The following ANXA13 variants were observed in gnomAD, a reference collection of about 807,000 sequenced individuals.
ANXA13 encodes the protein annexin XIII.
A neutral mutation model predicts 46.6 loss-of-function variants in ANXA13; 36 were observed. That is an observed-to-expected ratio of 0.77 (90% CI 0.59 to 1.02). The LOEUF is 1.02. Among genes scored for constraint, ANXA13 ranks in the 50% least tolerant of loss-of-function variants. The pLI is 0.00. For missense variants in ANXA13, 417 were observed against 396.5 expected (o/e 1.05, Z -0.44); for synonymous variants, 163 against 152.9 (o/e 1.07, Z -0.49).
intron 8 of ANXA13, among the ~76,000 whole-genome samples, chr8:123,692,192 G>C (rs1206239159): frequency 6.6e-6 from 1 of 152,196 alleles, no homozygotes; most frequent in Non-Finnish European, 1.5e-5. Flanking sequence ...GCTCAGGCCG[G>C]GGAGTCTTGG....
At chr8:123,728,123 C>T (rs1480792462) in intron 1 of ANXA13, 3 of 152,110 alleles carry the variant, frequency 2.0e-5, no homozygotes, top group African/African-American at 7.2e-5. Flanking sequence ...TCTTAGGGGC[C>T]CTTGAGTGCT....
chr8:123,735,862 G>A, intron 1 of ANXA13: 1 of 1,610,256 alleles, frequency 6.2e-7, no homozygotes, highest in South Asian at 1.1e-5. Flanking sequence ...CCTTCTGAGA[G>A]GGTGTACGAC....
intron 9 of ANXA13, among the ~76,000 whole-genome samples, chr8:123,687,554 G>A (rs188108603): frequency 3.3e-5 from 5 of 152,064 alleles, no homozygotes; most frequent in East Asian, 1.9e-4. Context: ...TTAGGCCTCC[G>A]GATATCACAG....
chr8:123,689,065 G>A (rs988411594), intron 8 of ANXA13, 119 bp from the exon 9 acceptor site: 1 of 885,302 alleles, frequency 1.1e-6, no homozygotes, highest in Non-Finnish European at 1.8e-6. Context: ...TGGCTTCAGG[G>A]AACTGCTATC....
At chr8:123,732,037 G>A (rs951951889) in intron 1 of ANXA13, among the ~76,000 whole-genome samples, 3 of 152,260 alleles carry the variant, frequency 2.0e-5, no homozygotes, top group African/African-American at 4.8e-5. Context: ...AAGAGATGAC[G>A]AGGTGATGAT....
At chr8:123,734,375 C>T (rs1814201993) in intron 1 of ANXA13, among the ~76,000 whole-genome samples, 1 of 152,142 alleles carries the variant, frequency 6.6e-6, no homozygotes, top group Non-Finnish European at 1.5e-5. Context: ...TGTGTACACT[C>T]TACCTGCAAA....
In ANXA13 at chr8:123,680,958, G is replaced by C; in HGVS notation, c.*282C>G. On this transcript the variant is annotated 3_prime_UTR_variant, in exon 11 of 11. Coordinates refer to ENST00000419625, the MANE Select transcript of ANXA13 (RefSeq NM_004306.4). ...ATGCATAGTTTTTTCATCAACTGCT[G>C]ATTTCATTAGTGTTTAGAAAACATC... 3.0e-6 allele frequency: 1 copy of C among 332,980 alleles called. No homozygotes were observed. Among genetic ancestry groups the C allele is most frequent in the Non-Finnish European group, 5.5e-6 (1 of 182,304 alleles). 20.6% of individuals were successfully genotyped at this position (332,980 alleles called of 1,614,324 possible).
chr8:123,710,461 A>C (rs1462243485), intron 2 of ANXA13, among the ~76,000 whole-genome samples: 1 of 152,238 alleles, frequency 6.6e-6, no homozygotes. Flanking sequence ...TAAAACTCTG[A>C]ACTGCATGCT....
intron 1 of ANXA13, chr8:123,735,896 TA>T (rs759287150): frequency 1.3e-5 from 21 of 1,574,842 alleles, no homozygotes; most frequent in Non-Finnish European, 1.6e-5. Context: ...TAAAAAAAAA[TA>T]CATAAAAATG....
intron 1 of ANXA13, among the ~76,000 whole-genome samples, chr8:123,713,842 G>A (rs1454386655): frequency 2.0e-5 from 3 of 152,046 alleles, no homozygotes; most frequent in Admixed American, 1.3e-4. Flanking sequence ...ATAGGTGCAC[G>A]CCACCATGCC....
At chr8:123,725,048 A>G (rs1813957247) in intron 1 of ANXA13, among the ~76,000 whole-genome samples, 2 of 152,298 alleles carry the variant, frequency 1.3e-5, no homozygotes, top group East Asian at 1.9e-4. Context: ...TAGTCAGAGG[A>G]TAGGACCTTA....
intron 3 of ANXA13, among the ~76,000 whole-genome samples, chr8:123,702,388 C>A (rs1326525788): frequency 2.0e-5 from 3 of 152,018 alleles, no homozygotes; most frequent in African/African-American, 7.3e-5. Flanking sequence ...GAAAAAAAGA[C>A]TAGGGTCTTC....
At chr8:123,709,172 T>C (rs1184378177) in intron 2 of ANXA13, among the ~76,000 whole-genome samples, 1 of 152,198 alleles carries the variant, frequency 6.6e-6, no homozygotes, top group African/African-American at 2.4e-5. Flanking sequence ...CCCAGCACAT[T>C]GTTCCAAAGG....
At chr8:123,697,205 A>T (rs1586318737) in intron 4 of ANXA13, among the ~76,000 whole-genome samples, 1 of 152,206 alleles carries the variant, frequency 6.6e-6, no homozygotes, top group South Asian at 2.1e-4. Context: ...GAACCACTGT[A>T]CCTGGCCTGA....
At chr8:123,726,005 T>G (rs752296330) in intron 1 of ANXA13, among the ~76,000 whole-genome samples, 1 of 152,230 alleles carries the variant, frequency 6.6e-6, no homozygotes, top group Non-Finnish European at 1.5e-5. Context: ...ACATGATGAC[T>G]AAGTGTTTGG....
intron 3 of ANXA13, among the ~76,000 whole-genome samples, chr8:123,702,254 GA>G (rs200381475): frequency 1.1e-5 from 1 of 95,050 alleles, no homozygotes; most frequent in Non-Finnish European, 2.2e-5. Context: ...ATAAAATGGA[GA>G]GTTTTTTTGG....
intron 1 of ANXA13, among the ~76,000 whole-genome samples, chr8:123,734,273 C>G (rs561242035): frequency 6.6e-6 from 1 of 152,254 alleles, no homozygotes; most frequent in African/African-American, 2.4e-5. Context: ...CTGTATTTTT[C>G]CCTAGATAGT....
At chr8:123,723,917 G>A (rs1813934004) in intron 1 of ANXA13, among the ~76,000 whole-genome samples, 1 of 152,162 alleles carries the variant, frequency 6.6e-6, no homozygotes. Flanking sequence ...TCCATGGGAG[G>A]AAGAATCTTC....
chr8:123,702,604 T>C (rs1295836133), intron 3 of ANXA13, 38 bp downstream of exon 3: 2 of 1,556,288 alleles, frequency 1.3e-6, no homozygotes, highest in Admixed American at 1.7e-5. Flanking sequence ...GCTGAGGCCA[T>C]GGCTGGGTGC....
Sources: allele counts gnomAD v4.1 joint callset (sites outside exome capture counted in the v4.1 genomes callset), GRCh38; gene constraint gnomAD v4.1.1; transcripts MANE v1.5; gene names NCBI Gene and HGNC (gene_info 2026-07-23, HGNC 2026-07-21).